MECOM: variants seen among roughly 807,000 people sequenced by gnomAD.
The protein encoded by MECOM is MDS1 and EVI1 complex locus, also known as histone-lysine N-methyltransferase MECOM.
MECOM carries 13 observed loss-of-function variants against 116.3 expected under a neutral mutation model. The observed-to-expected ratio is 0.11, with a 90% CI of 0.07 to 0.18. MECOM has a LOEUF of 0.18. MECOM is among the 10% of genes least tolerant of loss of function. The pLI, the probability that MECOM is intolerant of heterozygous loss-of-function variation, is 1.00. For missense variants in MECOM, 1,299 were observed against 1,509.0 expected (o/e 0.86, Z 2.31); for synonymous variants, 528 against 535.2 (o/e 0.99, Z 0.19).
At chr3:169,568,835 G>C (rs1002732972) in intron 1 of MECOM, among the ~76,000 whole-genome samples, 3 of 152,166 alleles carry the variant, frequency 2.0e-5, no homozygotes, top group Non-Finnish European at 4.4e-5. Flanking sequence ...AAGAGCGCCT[G>C]AAGAAAGCAC....
At chr3:169,598,394 C>T (rs905803416) in intron 1 of MECOM, among the ~76,000 whole-genome samples, 1 of 152,152 alleles carries the variant, frequency 6.6e-6, no homozygotes, top group African/African-American at 2.4e-5. Flanking sequence ...CAAAAATATA[C>T]ATCTGCCAAT....
chr3:169,355,784 T>C (rs1727170745), intron 2 of MECOM, among the ~76,000 whole-genome samples: 1 of 151,942 alleles, frequency 6.6e-6, no homozygotes, highest in African/African-American at 2.4e-5. Flanking sequence ...CAAAGCTAAC[T>C]TTTAGATATA....
At chr3:169,161,184 T>C (rs754273179) in intron 2 of MECOM, among the ~76,000 whole-genome samples, 6 of 152,186 alleles carry the variant, frequency 3.9e-5, no homozygotes, top group Non-Finnish European at 7.3e-5. Flanking sequence ...AAAAATCTAT[T>C]GTGTTGGCCA....
chr3:169,545,811 C>T (rs184107920), intron 1 of MECOM, among the ~76,000 whole-genome samples: 228 of 152,296 alleles, frequency 1.5e-3, no homozygotes, highest in African/African-American at 5.3e-3. Context: ...CTGCCACTTG[C>T]TCTGACCATC....
At chr3:169,177,318 G>T (rs1393023249) in intron 2 of MECOM, among the ~76,000 whole-genome samples, 1 of 152,122 alleles carries the variant, frequency 6.6e-6, no homozygotes, top group East Asian at 1.9e-4. Context: ...CCTTTGCAGG[G>T]ACATGGATGA....
chr3:169,230,038 G>A (rs1753185000), intron 2 of MECOM, among the ~76,000 whole-genome samples: 1 of 152,066 alleles, frequency 6.6e-6, no homozygotes, highest in South Asian at 2.1e-4. Context: ...ACTTCAGGGG[G>A]CTATTTAGGG....
intron 1 of MECOM, among the ~76,000 whole-genome samples, chr3:169,449,882 C>A (rs933820102): frequency 6.6e-6 from 1 of 152,144 alleles, no homozygotes; most frequent in Non-Finnish European, 1.5e-5. Flanking sequence ...GTAGCATATT[C>A]CCTCTAATTC....
intron 2 of MECOM, among the ~76,000 whole-genome samples, chr3:169,148,006 T>C (rs548660389): frequency 4.6e-5 from 7 of 152,124 alleles, no homozygotes; most frequent in African/African-American, 7.2e-5. Flanking sequence ...TTTCCAGTTT[T>C]CTGCTAAGCA....
At position 169,430,975 on chromosome 3, in the gene MECOM, AT is replaced by A. The variant is rs555575700; in HGVS notation, c.38-49452del. ...CCCCAGCTGCAGTAGAATTTTACAC[AT>A]TTTCAAGTGCAAGTTTCTAATAACA... On this transcript the variant is annotated intron_variant, in intron 1 of 16. Transcript: ENST00000651503. 7.2e-5 allele frequency among the ~76,000 whole-genome samples: 11 copies of A among 152,162 alleles called. No homozygotes were observed. The East Asian group carries it at 2.1e-3, about 29-fold the overall frequency.
At chr3:169,201,259 G>A (rs968871910) in intron 2 of MECOM, among the ~76,000 whole-genome samples, 2 of 1,954 alleles carry the variant, frequency 1.0e-3, no homozygotes, top group African/African-American at 2.1e-3. Context: ...TAGACAAGAT[G>A]TGTGTGTGTG....
intron 2 of MECOM, among the ~76,000 whole-genome samples, chr3:169,332,540 T>C (rs897701874): frequency 6.6e-6 from 1 of 152,136 alleles, no homozygotes; most frequent in Non-Finnish European, 1.5e-5. Context: ...ATAACATGTA[T>C]AAAATTGTCT....
At chr3:169,413,477 T>TG (rs1737931423) in intron 1 of MECOM, among the ~76,000 whole-genome samples, 1 of 112,226 alleles carries the variant, frequency 8.9e-6, no homozygotes, top group Admixed American at 1.2e-4. Context: ...GTTTTTTTTT[T>TG]GTTTTTTTTT....
intron 9 of MECOM, among the ~76,000 whole-genome samples, chr3:169,108,724 G>A (rs1306274450): frequency 6.6e-6 from 1 of 152,162 alleles, no homozygotes; most frequent in Non-Finnish European, 1.5e-5. Context: ...CTAACCATAT[G>A]AAACACTTGT....
chr3:169,323,596 A>T (rs964994737), intron 2 of MECOM, among the ~76,000 whole-genome samples: 1 of 152,204 alleles, frequency 6.6e-6, no homozygotes, highest in Non-Finnish European at 1.5e-5. Flanking sequence ...TTTCAGTAAA[A>T]GAACATGTAA....
intron 1 of MECOM, among the ~76,000 whole-genome samples, chr3:169,590,889 A>C (rs1414910716): frequency 6.6e-6 from 1 of 152,268 alleles, no homozygotes; most frequent in Non-Finnish European, 1.5e-5. Context: ...CAAAATAGAA[A>C]GCGTCCCTAC....
intron 1 of MECOM, among the ~76,000 whole-genome samples, chr3:169,390,602 C>T (rs1734062864): frequency 6.6e-6 from 1 of 152,162 alleles, no homozygotes; most frequent in Non-Finnish European, 1.5e-5. Context: ...TGGGCAGAGA[C>T]ATGAGGGAGC....
At chr3:169,265,983 T>C (rs1181471168) in intron 2 of MECOM, among the ~76,000 whole-genome samples, 1 of 152,182 alleles carries the variant, frequency 6.6e-6, no homozygotes, top group Non-Finnish European at 1.5e-5. Flanking sequence ...TGAAATCTCT[T>C]TGATGTCTTC....
Position 169,525,321 on chromosome 3 carries a change from T to A in MECOM, c.37+138015A>T, listed in dbSNP as rs41335644. Among the ~76,000 whole-genome samples, 1,092 of 152,224 alleles carry A rather than the reference T, an allele frequency of 7.2e-3. 17 individuals are homozygous for A. Among genetic ancestry groups the A allele is most frequent in the African/African-American group, 0.024 (1,014 of 41,536 alleles). On this transcript the variant is annotated intron_variant, in intron 1 of 16. Transcript: ENST00000651503. The stretch of plus-strand genomic sequence containing the variant: ...GTATTACAGTATTGAGCTATTAGAG[T>A]AAGGAATCAATTCAAGGAGACAAGC...
chr3:169,516,055 G>A (rs1456417326), intron 1 of MECOM, among the ~76,000 whole-genome samples: 1 of 152,024 alleles, frequency 6.6e-6, no homozygotes, highest in African/African-American at 2.4e-5. Context: ...TAGTCAAATA[G>A]AAGTCCAAAA....
Sources: gnomAD v4.1 joint callset for allele counts (sites outside exome capture counted in the v4.1 genomes callset) on GRCh38, gnomAD v4.1.1 for gene constraint, MANE v1.5 for transcripts, NCBI Gene and HGNC (gene_info 2026-07-23, HGNC 2026-07-21) for gene names.